Variants in NFAM1 observed in about 807,000 individuals in gnomAD.
The protein encoded by NFAM1 is NFAT activating protein with ITAM motif 1, also known as NFAT activation molecule 1.
In NFAM1, 17 loss-of-function variants were observed where a neutral mutation model predicts 29.0. The ratio of observed to expected loss-of-function variants is 0.59; its 90% CI spans 0.40 to 0.88. The LOEUF (loss-of-function observed/expected upper bound fraction) is 0.88. Ranked by LOEUF, NFAM1 falls within the 40% of genes least tolerant of loss-of-function variation. NFAM1 has a pLI of 0.00. For missense variants in NFAM1, 324 were observed against 344.6 expected (o/e 0.94, Z 0.47); for synonymous variants, 175 against 147.2 (o/e 1.19, Z -1.36).
intron 1 of NFAM1, among the ~76,000 whole-genome samples, chr22:42,427,300 G>A (rs911709680): frequency 6.6e-6 from 1 of 152,092 alleles, no homozygotes; most frequent in Non-Finnish European, 1.5e-5. Context: ...TACACAGGGG[G>A]TCTCATTACC....
chr22:42,420,003 T>TTG (rs1569234735), intron 1 of NFAM1, among the ~76,000 whole-genome samples: 5 of 131,554 alleles, frequency 3.8e-5, no homozygotes, highest in Non-Finnish European at 6.4e-5. Context: ...TTTTTTTTTT[T>TTG]TTTTTTTTTT....
rs528939084 is a variant in NFAM1, at chr22:42,381,000, T to A, written c.*4161A>T. On this transcript the variant is annotated 3_prime_UTR_variant, in exon 6 of 6. Coordinates refer to ENST00000329021, the MANE Select transcript of NFAM1 (RefSeq NM_145912.8). The stretch of plus-strand genomic sequence containing the variant: ...AACCAGCACATGTTCCCATGGAAAC[T>A]CTGCTGCCAGAATCCCCTGGAAATG... The A allele has an allele frequency of 3.3e-5, 5 of 152,680 alleles. No individual in the cohort carries two copies. The South Asian group carries it at 1.0e-3, about 32-fold the overall frequency. The allele number at this position is 152,680 out of a possible 1,614,324, so 9.5% of individuals were successfully genotyped here.
At chr22:42,428,883 C>A (rs1303945269) in intron 1 of NFAM1, among the ~76,000 whole-genome samples, 1 of 152,210 alleles carries the variant, frequency 6.6e-6, no homozygotes, top group Non-Finnish European at 1.5e-5. Flanking sequence ...TGTCCAGCCC[C>A]AAAGTCCTTG....
intron 1 of NFAM1, among the ~76,000 whole-genome samples, chr22:42,416,183 G>A (rs1207056555): frequency 2.0e-5 from 3 of 152,174 alleles, no homozygotes; most frequent in African/African-American, 4.8e-5. Context: ...GTTCTGGAGC[G>A]GGTCTAGCTA....
chr22:42,427,955 T>C (rs1301026131), intron 1 of NFAM1, among the ~76,000 whole-genome samples: 1 of 152,220 alleles, frequency 6.6e-6, no homozygotes, highest in African/African-American at 2.4e-5. Context: ...TGGGATGTTC[T>C]CATTCTTGAC....
upstream of NFAM1, among the ~76,000 whole-genome samples, chr22:42,435,704 GCATTGGGCAGA>G (rs1930921964): frequency 6.6e-6 from 1 of 152,000 alleles, no homozygotes; most frequent in Admixed American, 6.6e-5. Context: ...TGCGTGCCAG[GCATTGGGCAGA>G]CAAAACATAA....
intron 4 of NFAM1, among the ~76,000 whole-genome samples, chr22:42,396,788 C>A (rs969663996): frequency 6.6e-6 from 1 of 152,262 alleles, no homozygotes; most frequent in Non-Finnish European, 1.5e-5. Flanking sequence ...CTGCCACCCG[C>A]CCCATCCTCA....
At chr22:42,421,475 GAAGAA>G (rs923628350) in intron 1 of NFAM1, among the ~76,000 whole-genome samples, 33 of 150,660 alleles carry the variant, frequency 2.2e-4, no homozygotes, top group Admixed American at 1.9e-3. Flanking sequence ...AAGAAAAAGA[GAAGAA>G]AAGAAGAAAA....
At chr22:42,406,501 A>G (rs1443949416) in intron 3 of NFAM1, among the ~76,000 whole-genome samples, 2 of 152,156 alleles carry the variant, frequency 1.3e-5, no homozygotes, top group Non-Finnish European at 2.9e-5. Context: ...CACCAGCCAC[A>G]TGGGCCCCCA....
chr22:42,401,468 G>T (rs964071335), intron 3 of NFAM1, among the ~76,000 whole-genome samples: 1 of 152,136 alleles, frequency 6.6e-6, no homozygotes, highest in East Asian at 1.9e-4. Flanking sequence ...TGTAGGTTGG[G>T]GCTGGCAAGG....
intron 1 of NFAM1, among the ~76,000 whole-genome samples, chr22:42,417,823 C>T (rs561055826): frequency 6.6e-6 from 1 of 152,270 alleles, no homozygotes; most frequent in Admixed American, 6.5e-5. Flanking sequence ...AGGAGGGCAG[C>T]AGGGCCATCA....
At chr22:42,437,828 A>G in the NFAM1 span, among the ~76,000 whole-genome samples, 3 of 152,168 alleles carry the variant, frequency 2.0e-5, no homozygotes, top group African/African-American at 7.2e-5. Flanking sequence ...CGGTGCAGGC[A>G]GAACCAAGAG....
In NFAM1 at chr22:42,409,637, G is replaced by C. The variant is rs1179410364; in HGVS notation, c.452-90C>G. On this transcript the variant is annotated intron_variant, in intron 2 of 5. Coordinates refer to ENST00000329021, the MANE Select transcript of NFAM1 (RefSeq NM_145912.8). The surrounding 1 kb of genome is among the most constrained non-coding windows in gnomAD (Gnocchi z 4.9). ...GATGTTCTCCCTCACTCAGGACCCTGTTTTCAATGCTACCCCGCCAACACG... is the reference window on the plus strand; with the variant it reads ...GATGTTCTCCCTCACTCAGGACCCTCTTTTCAATGCTACCCCGCCAACACG... 2 of 570,002 alleles carry C rather than the reference G, an allele frequency of 3.5e-6. No individual in the cohort carries two copies. The highest frequency in any genetic ancestry group is 5.8e-6 in the Non-Finnish European group (2 of 343,890). The allele number at this position is 570,002 out of a possible 1,614,324, so 35.3% of individuals were successfully genotyped here.
intron 3 of NFAM1, among the ~76,000 whole-genome samples, chr22:42,403,227 C>T (rs927100376): frequency 1.3e-5 from 2 of 152,182 alleles, no homozygotes; most frequent in Non-Finnish European, 2.9e-5. Context: ...AGCTCAAGCT[C>T]GCAGAGGTTG....
At chr22:42,394,060 A>C (rs879842563) in intron 4 of NFAM1, among the ~76,000 whole-genome samples, 14 of 152,008 alleles carry the variant, frequency 9.2e-5, no homozygotes, top group Non-Finnish European at 1.3e-4. Context: ...TTTGAGACGG[A>C]GTTTCGCTCT....
intron 3 of NFAM1, among the ~76,000 whole-genome samples, chr22:42,402,714 C>A (rs1157858129): frequency 6.6e-6 from 1 of 152,128 alleles, no homozygotes; most frequent in African/African-American, 2.4e-5. Flanking sequence ...TCAAGTCAGG[C>A]AGGAGCCCCC....
Position 42,385,000 on chromosome 22 carries a change from G to T in NFAM1, c.*161C>A, listed in dbSNP as rs1929084654. 2 of 696,886 alleles carry T rather than the reference G, an allele frequency of 2.9e-6. No individual in the cohort carries two copies. Among genetic ancestry groups the T allele is most frequent in the East Asian group, 4.9e-5 (2 of 40,492 alleles). The allele number at this position is 696,886 out of a possible 1,614,324, so 43.2% of individuals were successfully genotyped here. On this transcript the variant is annotated 3_prime_UTR_variant, in exon 6 of 6. Coordinates refer to ENST00000329021, the MANE Select transcript of NFAM1 (RefSeq NM_145912.8). ...TTGGTGGTTGGGGCATAGAATGGGG[G>T]GGCAGTGGGGCCGGCCAAGACAGGA... is the stretch of plus-strand genomic sequence containing the variant.
intron 1 of NFAM1, among the ~76,000 whole-genome samples, chr22:42,426,359 C>T (rs987033051): frequency 2.6e-5 from 4 of 152,272 alleles, no homozygotes; most frequent in Admixed American, 6.5e-5. Context: ...CAATGGGGTG[C>T]GTGGGGAGCA....
intron 1 of NFAM1, among the ~76,000 whole-genome samples, chr22:42,416,025 G>A (rs970104814): frequency 5.3e-5 from 8 of 152,118 alleles, no homozygotes; most frequent in African/African-American, 1.9e-4. Flanking sequence ...GTGGCCCGGG[G>A]GTCTAGAGGG....
Sources: allele counts gnomAD v4.1 joint callset (sites outside exome capture counted in the v4.1 genomes callset), GRCh38; gene constraint gnomAD v4.1.1; non-coding constraint Gnocchi (gnomAD v3.1); transcripts MANE v1.5; gene names NCBI Gene and HGNC (gene_info 2026-07-23, HGNC 2026-07-21).